The following COL11A1 variants were observed in gnomAD, a reference collection of about 807,000 sequenced individuals.
COL11A1 encodes the protein collagen alpha-1(XI) chain.
In COL11A1, 74 loss-of-function variants were observed where a neutral mutation model predicts 265.2. That is an observed-to-expected ratio of 0.28 (90% CI 0.23 to 0.34). COL11A1 has a LOEUF of 0.34. Among genes scored for constraint, COL11A1 ranks in the 10% least tolerant of loss-of-function variants. COL11A1 has a pLI of 1.00. For synonymous variants in COL11A1, 816 were observed against 727.6 expected (o/e 1.12, Z -1.96); for missense variants, 2,165 against 2,263.6 (o/e 0.96, Z 0.88).
intron 57 of COL11A1, among the ~76,000 whole-genome samples, chr1:102,893,419 T>C (rs1652007359): frequency 6.6e-6 from 1 of 152,136 alleles, no homozygotes; most frequent in African/African-American, 2.4e-5. Flanking sequence ...TTTCATCAGC[T>C]GGAAATAGAA....
intron 54 of COL11A1, among the ~76,000 whole-genome samples, chr1:102,905,178 A>T (rs1284761207): frequency 4.3e-5 from 6 of 139,190 alleles, no homozygotes; most frequent in East Asian, 4.4e-4. Flanking sequence ...AACAATGAGA[A>T]CACATGGACA....
intron 22 of COL11A1, 53 bp from the exon 23 acceptor site, chr1:103,002,534 T>G (rs1665210047): frequency 6.8e-7 from 1 of 1,480,362 alleles, no homozygotes; most frequent in Non-Finnish European, 9.3e-7. Flanking sequence ...CACAATAGAT[T>G]TTTGTTCTTC....
intron 47 of COL11A1, among the ~76,000 whole-genome samples, chr1:102,922,334 T>C (rs1054893900): frequency 3.3e-5 from 5 of 152,188 alleles, no homozygotes; most frequent in East Asian, 1.9e-4. Flanking sequence ...GGTAACCATA[T>C]CTGGAAAGGA....
Position 103,026,216 on chromosome 1 carries a change from CT to C in COL11A1, c.896del (p.Glu299GlyfsTer45), listed in dbSNP as rs1447755324. The C allele has an allele frequency of 6.2e-7, 1 of 1,605,626 alleles. No homozygotes were observed. The highest frequency in any genetic ancestry group is 8.5e-7 in the Non-Finnish European group (1 of 1,172,504). Reference protein sequence around the residue: ...TVTEETIAQTEANIVDDFQEY... With the variant: ...TVTEETIAQTXANIVDDFQEY... ...TACACAGGCACTGCTTTGTTTTTAC[CT>C]CCGTCTGTGCTATTGTCTCCTCAGT... On this transcript the variant is annotated frameshift_variant and splice_region_variant, in exon 6 of 67. Coordinates refer to ENST00000370096, the MANE Select transcript of COL11A1 (RefSeq NM_001854.4). LOFTEE classifies it high-confidence loss of function.
At chr1:102,936,979 G>T (rs1039778950) in intron 44 of COL11A1, among the ~76,000 whole-genome samples, 1 of 152,014 alleles carries the variant, frequency 6.6e-6, no homozygotes, top group African/African-American at 2.4e-5. Flanking sequence ...GTCACCACAG[G>T]CTGAACTAGA....
At chr1:102,904,605 C>T (rs548320026) in intron 54 of COL11A1, among the ~76,000 whole-genome samples, 18 of 150,534 alleles carry the variant, frequency 1.2e-4, no homozygotes, top group African/African-American at 4.5e-4. Context: ...ATTTATGCAG[C>T]CAAAAAACAC....
chr1:103,063,937 T>C (rs903890047), intron 4 of COL11A1, among the ~76,000 whole-genome samples: 20 of 152,120 alleles, frequency 1.3e-4, no homozygotes, highest in Admixed American at 1.3e-3. Context: ...AGATGGAAAG[T>C]AAGCCTATGA....
chr1:102,956,089 C>T (rs1281581080), intron 41 of COL11A1, among the ~76,000 whole-genome samples: 2 of 152,092 alleles, frequency 1.3e-5, no homozygotes, highest in African/African-American at 2.4e-5. Context: ...ACAATAACTC[C>T]CAGGACCAAA....
Position 103,031,257 on chromosome 1 carries a change from A to AAAAC in COL11A1, c.652-14_652-13insGTTT. On this transcript the variant is annotated splice_polypyrimidine_tract_variant and intron_variant, in intron 4 of 66. Coordinates refer to ENST00000370096, the MANE Select transcript of COL11A1 (RefSeq NM_001854.4). Reference sequence around the variant, plus strand: ...GCTGAATGTCCCCCTGGGAAAAAAAAAAAAACAAAAACAAACAGACACAGA... The same window carrying AAAAC: ...GCTGAATGTCCCCCTGGGAAAAAAAAAAACAAAAACAAAAACAAACAGACACAGA... The AAAAC allele has an allele frequency of 6.2e-7, 1 of 1,601,020 alleles. No individual in the cohort carries two copies. Among genetic ancestry groups the AAAAC allele is most frequent in the East Asian group, 2.2e-5 (1 of 44,706 alleles).
At chr1:102,938,993 TTAAA>T (rs1295740292) in intron 44 of COL11A1, 38 bp downstream of exon 44, 1 of 1,567,884 alleles carries the variant, frequency 6.4e-7, no homozygotes, top group East Asian at 2.2e-5. Context: ...GTAAAAGTTG[TTAAA>T]TAAATAATGT....
intron 1 of COL11A1, among the ~76,000 whole-genome samples, chr1:103,093,463 A>T (rs921239154): frequency 6.6e-6 from 1 of 152,148 alleles, no homozygotes; most frequent in Admixed American, 6.6e-5. Flanking sequence ...AAGGATATTT[A>T]TTAGTAAGAA....
At chr1:102,977,027 A>G (rs1662559378) in intron 35 of COL11A1, among the ~76,000 whole-genome samples, 1 of 152,310 alleles carries the variant, frequency 6.6e-6, no homozygotes, top group South Asian at 2.1e-4. Flanking sequence ...GTATAACTGT[A>G]TAGTTAAATA....
rs535184140 is a variant in COL11A1 at position 103,059,371 on chromosome 1, C to A, written c.651+15247G>T. Among the ~76,000 whole-genome samples the A allele has an allele frequency of 2.6e-5, 4 of 152,070 alleles. No individual in the cohort carries two copies. The South Asian group carries it at 8.3e-4, about 32-fold the overall frequency. On this transcript the variant is annotated intron_variant, in intron 4 of 66. Coordinates refer to ENST00000370096, the MANE Select transcript of COL11A1 (RefSeq NM_001854.4). ...TCTGAGACCTAATCATAGAATGAGTCCTTCCCGTTTCACCTTACCAACACA... is the reference window on the plus strand; with the variant it reads ...TCTGAGACCTAATCATAGAATGAGTACTTCCCGTTTCACCTTACCAACACA...
intron 46 of COL11A1, among the ~76,000 whole-genome samples, chr1:102,926,043 AT>A (rs1336423033): frequency 6.6e-6 from 1 of 152,032 alleles, no homozygotes; most frequent in Non-Finnish European, 1.5e-5. Flanking sequence ...AATTATTCCA[AT>A]TAGTTCAATA....
At position 103,022,990 on chromosome 1, in the gene COL11A1, G is replaced by C. The variant is rs768894797; in HGVS notation, c.997C>G (p.Pro333Ala). 2.5e-6 allele frequency: 4 copies of C among 1,611,890 alleles called. No individual in the cohort carries two copies. Among genetic ancestry groups the C allele is most frequent in the Non-Finnish European group, 3.4e-6 (4 of 1,179,098 alleles). Residue 333 changes from proline to alanine, a missense_variant, in exon 8 of 67, where the codon CCA becomes GCA. By Grantham distance (27) the Pro-to-Ala change is conservative. Transcript: ENST00000370096. ...TCTTCAGTAAATATTTCTTCAACTG[G>C]ATTTGGCTATTAATTTAAATTGCAA... is the stretch of plus-strand genomic sequence containing the variant. Reference protein sequence around the residue: ...RHVSGTNEPNPVEEIFTEEYL... With the variant: ...RHVSGTNEPNAVEEIFTEEYL...
intron 57 of COL11A1, among the ~76,000 whole-genome samples, chr1:102,896,655 C>T (rs973771810): frequency 6.6e-6 from 1 of 152,150 alleles, no homozygotes; most frequent in African/African-American, 2.4e-5. Context: ...TGTCCTCTTG[C>T]GCTGTAAACT....
chr1:102,938,116 A>C (rs1400390436), intron 44 of COL11A1, among the ~76,000 whole-genome samples: 2 of 152,174 alleles, frequency 1.3e-5, no homozygotes, highest in Non-Finnish European at 2.9e-5. Context: ...ATCTCATAGG[A>C]CTATGGTAAC....
intron 28 of COL11A1, among the ~76,000 whole-genome samples, chr1:102,992,977 T>C (rs1419552340): frequency 6.6e-6 from 1 of 152,126 alleles, no homozygotes; most frequent in African/African-American, 2.4e-5. Context: ...TCTTATTTTT[T>C]TTTCCTGTAT....
intron 5 of COL11A1, among the ~76,000 whole-genome samples, chr1:103,027,399 AT>A (rs1667611655): frequency 4.3e-3 from 77 of 18,006 alleles, no homozygotes; most frequent in Middle Eastern, 0.04. Context: ...AAACTCTAAT[AT>A]ATATATATAT....
Sources: allele counts gnomAD v4.1 joint callset (sites outside exome capture counted in the v4.1 genomes callset), GRCh38; gene constraint gnomAD v4.1.1; transcripts MANE v1.5; gene names NCBI Gene and HGNC (gene_info 2026-07-23, HGNC 2026-07-21).